PLXNB3: variants seen among roughly 807,000 people sequenced by gnomAD.
PLXNB3 encodes the protein plexin-B3.
In PLXNB3, 80 loss-of-function variants were observed where a neutral mutation model predicts 125.7. The ratio of observed to expected loss-of-function variants is 0.64; its 90% CI spans 0.53 to 0.77. The LOEUF (loss-of-function observed/expected upper bound fraction) is 0.77, where lower values mean the gene tolerates loss of function less well. Ranked by LOEUF, PLXNB3 falls within the 30% of genes least tolerant of loss-of-function variation. The pLI is 0.00. For synonymous variants in PLXNB3, 954 were observed against 783.3 expected (o/e 1.22, Z -3.64); for missense variants, 1,836 against 1,729.3 (o/e 1.06, Z -1.09).
Position 153,771,600 on chromosome X carries a change from C to G in PLXNB3, c.2462C>G (p.Pro821Arg). Residue 821 changes from proline (P) to arginine (R), a missense_variant, in exon 14 of 36, where the codon CCC (proline) becomes CGC (arginine). Physicochemically the swap from Pro to Arg is moderately radical, Grantham distance 103. Coordinates refer to ENST00000361971, the MANE Select transcript of PLXNB3 (RefSeq NM_005393.3). Reference protein sequence around the residue: ...ADGQPACRYGPLCPPGAVELL... With the variant: ...ADGQPACRYGRLCPPGAVELL... ...GGCCAGCCTGCCTGTCGCTATGGGC[C>G]CTTGTGCCCGCCGGGGGCTGTGGAG... The G allele has an allele frequency of 8.3e-7, 1 of 1,206,552 alleles. No individual in the cohort carries two copies. Among genetic ancestry groups the G allele is most frequent in the Non-Finnish European group, 1.1e-6 (1 of 893,637 alleles).
chrX:153,778,172 G>C, intron 32 of PLXNB3, 77 bp downstream of exon 32: 1 of 1,199,546 alleles, frequency 8.3e-7, no homozygotes, highest in Non-Finnish European at 1.1e-6. Context: ...AGAGGGCTGT[G>C]CACAGAGCTC....
At chrX:153,766,485 T>TC (rs2091859515) in intron 2 of PLXNB3, 5 of 931,967 alleles carry the variant, frequency 5.4e-6, no homozygotes, top group Non-Finnish European at 5.6e-6. Context: ...TCCCCTGCCC[T>TC]CTCTCCATCC....
Position 153,767,315 on chromosome X carries a change from T to C in PLXNB3, c.488T>C (p.Phe163Ser). Residue 163 changes from phenylalanine to serine, a missense_variant, in exon 3 of 36, where the codon TTT becomes TCT. Phe to Ser is a radical substitution (Grantham distance 155, BLOSUM62 -2). Coordinates refer to ENST00000361971, the MANE Select transcript of PLXNB3 (RefSeq NM_005393.3). ...YQAEDPGDGQ[F>S]VAANTPGVAT... is the part of the protein sequence containing the mutation. ...GCTGAGGACCCTGGTGACGGGCAGT[T>C]TGTGGCTGCCAATACCCCGGGAGTG... is the stretch of plus-strand genomic sequence containing the variant. 1.7e-6 allele frequency: 2 copies of C among 1,205,352 alleles called. No homozygotes were observed. The highest frequency in any genetic ancestry group is 2.2e-6 in the Non-Finnish European group (2 of 892,700).
In PLXNB3 at chrX:153,777,574, G is replaced by A. The variant is rs782483104; in HGVS notation, c.5147G>A (p.Ser1716Asn). 1 of 1,211,861 alleles carries A rather than the reference G, an allele frequency of 8.3e-7. No homozygotes were observed. Among genetic ancestry groups the A allele is most frequent in the South Asian group, 1.8e-5 (1 of 57,051 alleles). ...GACGACACCTTCCAGGCCATTCTCA[G>A]CGTGAACCGGCCCATCCCCATCGCC... ...FVDDTFQAIL[S>N]VNRPIPIAVK... The change falls in exon 31 of 36, where the codon AGC (serine) becomes AAC (asparagine). Residue 1716 changes from serine (S) to asparagine (N), a missense_variant. Physicochemically the swap from Ser to Asn is conservative, Grantham distance 46 (BLOSUM62 1). Transcript: ENST00000361971.
intron 31 of PLXNB3, 35 bp from the exon 32 acceptor site, chrX:153,777,913 A>C (rs1557065048): frequency 8.4e-7 from 1 of 1,183,686 alleles, no homozygotes; most frequent in South Asian, 1.9e-5. Flanking sequence ...ATGGCAGGCC[A>C]GGGCCTCACG....
intron 6 of PLXNB3, 146 bp downstream of exon 6, chrX:153,769,408 C>T: frequency 4.2e-6 from 2 of 481,266 alleles, no homozygotes; most frequent in Non-Finnish European, 7.0e-6. Flanking sequence ...CCATCCTGCC[C>T]CATCTCACTG....
Position 153,767,925 on chromosome X carries a change from G to A in PLXNB3, c.1086+12G>A. On this transcript the variant is annotated intron_variant, in intron 3 of 35. Transcript: ENST00000361971. The stretch of plus-strand genomic sequence containing the variant: ...TCACCCTGCCCCTTGTGAGTGGCAT[G>A]CCCTTCCATCCCCCCTCTCTGTGGA... The A allele has an allele frequency of 9.2e-7, 1 of 1,086,758 alleles. No individual in the cohort carries two copies. The highest frequency in any genetic ancestry group is 2.3e-5 in the South Asian group (1 of 43,244). 89.6% of individuals were successfully genotyped at this position (1,086,758 alleles called of 1,213,427 possible).
intron 19 of PLXNB3, 68 bp from the exon 20 acceptor site, chrX:153,773,791 C>T (rs2091958398): frequency 8.3e-7 from 1 of 1,198,404 alleles, no homozygotes; most frequent in African/African-American, 1.7e-5. Flanking sequence ...GGTAGGCCGC[C>T]ATGCCCCTAG....
intron 16 of PLXNB3, 78 bp from the exon 17 acceptor site, chrX:153,772,808 A>AGGG (rs2091947289): frequency 9.6e-7 from 1 of 1,041,617 alleles, no homozygotes; most frequent in Middle Eastern, 2.6e-4. Flanking sequence ...TCAGAACCGG[A>AGGG]GGGCCTTGGG....
At chrX:153,766,046 C>T in intron 2 of PLXNB3, 11 of 1,047,766 alleles carry the variant, frequency 1.0e-5, no homozygotes, top group Non-Finnish European at 1.3e-5. Flanking sequence ...TACACTGAGG[C>T]CCCCTGTGCC....
At chrX:153,774,140 C>T in intron 20 of PLXNB3, 42 bp downstream of exon 20, 1 of 1,199,975 alleles carries the variant, frequency 8.3e-7, no homozygotes, top group Non-Finnish European at 1.1e-6. Flanking sequence ...GGTGCTCAGG[C>T]CGCCTCTGTG....
In PLXNB3 at chrX:153,778,617, C is replaced by A; in HGVS notation, c.5568C>A (p.Pro1856=). 1 of 1,204,588 alleles carries A rather than the reference C, an allele frequency of 8.3e-7. No homozygotes were observed. The highest frequency in any genetic ancestry group is 3.0e-5 in the East Asian group (1 of 33,632). Residue 1856 remains proline (P), a synonymous_variant, in exon 35 of 36, where the codon CCC becomes CCA. Transcript: ENST00000361971. ...GCCCCCAGAACTACACTTCTGCTCC[C>A]CACTGTCTGGAGGCTCTGCAAGAAC... The part of the protein sequence containing the change: ...AELSGNYTSA[P]HCLEALQELY...
In PLXNB3 at chrX:153,769,860, G is replaced by A; in HGVS notation, c.1550G>A (p.Trp517Ter). 8.3e-7 allele frequency: 1 copy of A among 1,206,070 alleles called. No individual in the cohort carries two copies. Among genetic ancestry groups the A allele is most frequent in the Non-Finnish European group, 1.1e-6 (1 of 893,275 alleles). The part of the protein sequence containing the change: ...GRAGQLNQWL[W>*]SYEEDSHCLH... ...GCAGGCCAGCTGAACCAGTGGCTGT[G>A]GAGTTATGAGGAGGACAGCCACTGC... The change falls in exon 7 of 36, where the codon TGG (tryptophan) becomes TAG (stop). Residue 517 changes from tryptophan to a stop codon, truncating the protein, a stop_gained. Transcript: ENST00000361971. LOFTEE classifies it high-confidence loss of function.
chrX:153,776,202 G>A lies in PLXNB3; in HGVS notation c.4717G>A (p.Ala1573Thr), dbSNP rs1321157013. 1.7e-6 allele frequency: 2 copies of A among 1,175,252 alleles called. No homozygotes were observed. Among genetic ancestry groups the A allele is most frequent in the Non-Finnish European group, 2.3e-6 (2 of 876,140 alleles). ...CTTCTCCCAGAGGCCCTCAGTGCATGCCCTAGACCTTGGTGAGAGAGCCAG... is the reference window on the plus strand; with the variant it reads ...CTTCTCCCAGAGGCCCTCAGTGCATACCCTAGACCTTGGTGAGAGAGCCAG... ...TPFSQRPSVH[A>T]LDLEWRSGLA... The change falls in exon 27 of 36, where the codon GCC becomes ACC. Residue 1573 changes from alanine (A) to threonine (T), a missense_variant. Transcript: ENST00000361971.
chrX:153,769,058 T>C lies in PLXNB3; in HGVS notation c.1377T>C (p.Tyr459=), dbSNP rs1557060537. 4.1e-6 allele frequency: 5 copies of C among 1,209,869 alleles called. No individual in the cohort carries two copies. Among genetic ancestry groups the C allele is most frequent in the Admixed American group, 2.2e-5 (1 of 46,067 alleles). The change falls in exon 5 of 36, where the codon TAT becomes TAC. Residue 459 remains tyrosine, a synonymous_variant. Transcript: ENST00000361971. Reference sequence around the variant, plus strand: ...TGGACAGCAGTGGCAGTCACCTCTATGTCCTGACTGCCCACCAGGTGAGGG... The same window carrying C: ...TGGACAGCAGTGGCAGTCACCTCTACGTCCTGACTGCCCACCAGGTGAGGG... ...LLLDSSGSHL[Y]VLTAHQVDRI...
chrX:153,777,730 ACT>A, intron 31 of PLXNB3, 42 bp downstream of exon 31: 1 of 1,181,150 alleles, frequency 8.5e-7, no homozygotes, highest in Non-Finnish European at 1.1e-6. Flanking sequence ...CATATGGTCC[ACT>A]GAGTCCCAGA....
rs1189346572 is a variant in PLXNB3, at chrX:153,776,097, G to A, written c.4612G>A (p.Val1538Met). Reference protein sequence around the residue: ...GAAGSSEMQRVPARVLDTDTI... With the variant: ...GAAGSSEMQRMPARVLDTDTI... ...CGCAGGCAGCAGCGAGATGCAGCGC[G>A]TGCCAGCCCGGGTGCTCGACACGGA... The change falls in exon 27 of 36, where the codon GTG becomes ATG. Residue 1538 changes from valine to methionine, a missense_variant. Transcript: ENST00000361971. The A allele has an allele frequency of 8.3e-6, 10 of 1,198,782 alleles. No individual in the cohort carries two copies. The highest frequency in any genetic ancestry group is 3.6e-5 in the South Asian group (2 of 55,406).
chrX:153,779,088 T>G lies in PLXNB3; in HGVS notation c.*49T>G. ...CCGGATCCACCAACACCGCAGCGCC[T>G]TATGACCCCGGAACCGAGCCAGCCA... On this transcript the variant is annotated 3_prime_UTR_variant, in exon 36 of 36. Transcript: ENST00000361971. 1.1e-6 allele frequency: 1 copy of G among 942,381 alleles called. No homozygotes were observed. The highest frequency in any genetic ancestry group is 1.4e-6 in the Non-Finnish European group (1 of 692,194). The allele number at this position is 942,381 out of a possible 1,213,427, so 77.7% of individuals were successfully genotyped here.
Position 153,777,282 on chromosome X carries a change from G to A in PLXNB3, c.5002G>A (p.Glu1668Lys), listed in dbSNP as rs1480962965. The A allele has an allele frequency of 8.3e-6, 10 of 1,203,387 alleles. No homozygotes were observed. The highest frequency in any genetic ancestry group is 2.3e-4 in the Middle Eastern group (1 of 4,323). Residue 1668 changes from glutamate to lysine, a missense_variant, in exon 30 of 36, where the codon GAA becomes AAA. Coordinates refer to ENST00000361971, the MANE Select transcript of PLXNB3 (RefSeq NM_005393.3). ...WHLVKATEEP[E>K]GAKVRCSSLR... is the part of the protein sequence containing the mutation. ...CCTGGTGAAAGCCACCGAGGAGCCA[G>A]AAGGGGCCAAGGTGCGGTGCAGCAG...
Sources: allele counts gnomAD v4.1 joint callset, GRCh38; gene constraint gnomAD v4.1.1; transcripts MANE v1.5; gene names NCBI Gene and HGNC (gene_info 2026-07-23, HGNC 2026-07-21).